The following AGAP1 variants were observed in gnomAD, a reference collection of about 807,000 sequenced individuals.
AGAP1 encodes arf-GAP with GTPase, ANK repeat and PH domain-containing protein 1.
In AGAP1, 29 loss-of-function variants were observed where a neutral mutation model predicts 105.3. The observed-to-expected ratio is 0.28, with a 90% confidence interval of 0.21 to 0.38. The LOEUF (loss-of-function observed/expected upper bound fraction) is 0.38, where lower values mean the gene tolerates loss of function less well. Ranked by LOEUF, AGAP1 falls within the 10% of genes least tolerant of loss-of-function variation. The probability of loss-of-function intolerance (pLI) is 1.00; values close to 1 mark genes in which losing one functional copy is unlikely to be tolerated. For missense variants in AGAP1, 998 were observed against 1,165.1 expected (o/e 0.86, Z 2.09); for synonymous variants, 509 against 485.9 (o/e 1.05, Z -0.63).
intron 1 of AGAP1, among the ~76,000 whole-genome samples, chr2:235,591,427 G>T (rs564132549): frequency 6.6e-6 from 1 of 152,328 alleles, no homozygotes; most frequent in East Asian, 1.9e-4. Context: ...GTGGCCCTGG[G>T]CAGAATGCAC....
In AGAP1 at chr2:235,967,142, A is replaced by C; in HGVS notation, c.1484-1320A>C. 6.6e-6 allele frequency among the ~76,000 whole-genome samples: 1 copy of C among 150,532 alleles called. No individual in the cohort carries two copies. Among genetic ancestry groups the C allele is most frequent in the East Asian group, 2.0e-4 (1 of 5,122 alleles). On this transcript the variant is annotated intron_variant, in intron 12 of 17. Coordinates refer to ENST00000304032, the MANE Select transcript of AGAP1 (RefSeq NM_001037131.3). This position sits in a 1 kb window ranked among gnomAD's most constrained non-coding sequence, Gnocchi z 4.7. ...CCTTCCGCAGGCCTCTCCCACCCAC[A>C]CCGGCCACCGCCACTCGGGCCCCCT... is the stretch of plus-strand genomic sequence containing the variant.
At position 235,979,081 on chromosome 2, in the gene AGAP1, T is replaced by G. The variant is rs1184615989; in HGVS notation, c.1645+10458T>G. 6.6e-6 allele frequency among the ~76,000 whole-genome samples: 1 copy of G among 151,294 alleles called. No homozygotes were observed. Among genetic ancestry groups the G allele is most frequent in the Non-Finnish European group, 1.5e-5 (1 of 68,016 alleles). The stretch of plus-strand genomic sequence containing the variant: ...TTTTCTGTTCATTTTAAGATTGATA[T>G]GCTTTTTCTTTTTTTGGATGACAGA... On this transcript the variant is annotated intron_variant, in intron 13 of 17. Coordinates refer to ENST00000304032, the MANE Select transcript of AGAP1 (RefSeq NM_001037131.3). This position sits in a 1 kb window ranked among gnomAD's most constrained non-coding sequence, Gnocchi z 4.5.
intron 16 of AGAP1, among the ~76,000 whole-genome samples, chr2:236,075,054 A>G (rs923611018): frequency 6.6e-6 from 1 of 152,156 alleles, no homozygotes; most frequent in South Asian, 2.1e-4. Context: ...CCTTCTCTCA[A>G]AAAGAAAAAA....
At position 235,919,133 on chromosome 2, in the gene AGAP1, G is replaced by A. The variant is rs1422983869; in HGVS notation, c.1324+10227G>A. 1.3e-5 allele frequency among the ~76,000 whole-genome samples: 2 copies of A among 152,124 alleles called. No individual in the cohort carries two copies. The highest frequency in any genetic ancestry group is 2.9e-5 in the Non-Finnish European group (2 of 68,028). On this transcript the variant is annotated intron_variant, in intron 11 of 17. Transcript: ENST00000304032. This position sits in a 1 kb window ranked among gnomAD's most constrained non-coding sequence, Gnocchi z 4.1. ...GGGTCAGCTGTGGGAAAGAGGAGGT[G>A]CCCGGAAGAGCCTCTGTGAATTACC...
intron 1 of AGAP1, among the ~76,000 whole-genome samples, chr2:235,649,717 G>C (rs957034915): frequency 2.0e-5 from 3 of 152,208 alleles, no homozygotes; most frequent in Non-Finnish European, 4.4e-5. Flanking sequence ...TGCTGATGCT[G>C]CTTGTCTGGG....
intron 6 of AGAP1, among the ~76,000 whole-genome samples, chr2:235,766,068 T>C (rs1009282078): frequency 6.6e-6 from 1 of 152,228 alleles, no homozygotes; most frequent in Non-Finnish European, 1.5e-5. Flanking sequence ...GTTCGATTCT[T>C]GTTTTATGAA....
intron 11 of AGAP1, among the ~76,000 whole-genome samples, chr2:235,912,479 G>A (rs761716053): frequency 3.0e-4 from 45 of 152,250 alleles, no homozygotes; most frequent in Non-Finnish European, 5.6e-4. Context: ...TGGGTGAACT[G>A]GAGGGTTTTC....
At chr2:236,006,318 T>G (rs1473441263) in intron 13 of AGAP1, among the ~76,000 whole-genome samples, 2 of 152,194 alleles carry the variant, frequency 1.3e-5, no homozygotes, top group Non-Finnish European at 2.9e-5. Context: ...ATCGGCTGTT[T>G]CCCAAAGAGC....
chr2:235,706,330 T>C (rs1950531883), intron 1 of AGAP1, among the ~76,000 whole-genome samples: 1 of 152,186 alleles, frequency 6.6e-6, no homozygotes, highest in African/African-American at 2.4e-5. Flanking sequence ...GTTGATGCCA[T>C]TCTCCTGCCT....
At position 235,904,426 on chromosome 2, in the gene AGAP1, G is replaced by A. The variant is rs545856154; in HGVS notation, c.1156-4312G>A. On this transcript the variant is annotated intron_variant, in intron 10 of 17. Transcript: ENST00000304032. The surrounding 1 kb of genome is among the most constrained non-coding windows in gnomAD (Gnocchi z 4.2). Reference sequence around the variant, plus strand: ...GCAATTACTACTTTTTCAAGCTGTTGAGGGGCAGGAGATGGCACCTCTGGG... The same window carrying A: ...GCAATTACTACTTTTTCAAGCTGTTAAGGGGCAGGAGATGGCACCTCTGGG... 2.6e-5 allele frequency among the ~76,000 whole-genome samples: 4 copies of A among 152,164 alleles called. No individual in the cohort carries two copies. The highest frequency in any genetic ancestry group is 6.5e-5 in the Admixed American group (1 of 15,284).
intron 6 of AGAP1, among the ~76,000 whole-genome samples, chr2:235,762,918 C>G (rs977247534): frequency 1.3e-5 from 2 of 151,964 alleles, no homozygotes; most frequent in Non-Finnish European, 2.9e-5. Flanking sequence ...TCAGTGAGTA[C>G]GTTGGATGTT....
At chr2:235,544,177 G>T (rs1305737825) in intron 1 of AGAP1, among the ~76,000 whole-genome samples, 1 of 152,204 alleles carries the variant, frequency 6.6e-6, no homozygotes, top group South Asian at 2.1e-4. Context: ...TCTTTATGAG[G>T]GGTGACAGAT....
intron 1 of AGAP1, among the ~76,000 whole-genome samples, chr2:235,560,081 A>G (rs1944097690): frequency 6.6e-6 from 1 of 151,452 alleles, no homozygotes; most frequent in South Asian, 2.1e-4. Context: ...ATGAGGATAT[A>G]CTCCTTGTGT....
Position 235,599,753 on chromosome 2 carries a change from T to C in AGAP1, c.163+104904T>C, listed in dbSNP as rs1292956960. 6.6e-6 allele frequency among the ~76,000 whole-genome samples: 1 copy of C among 152,180 alleles called. No homozygotes were observed. The highest frequency in any genetic ancestry group is 1.5e-5 in the Non-Finnish European group (1 of 68,028). On this transcript the variant is annotated intron_variant, in intron 1 of 17. Transcript: ENST00000304032. The surrounding 1 kb of genome is among the most constrained non-coding windows in gnomAD (Gnocchi z 5.3). ...TGATTCTACCTGATCGCTGGCTCTC[T>C]AGGGCTTTTCCCCTCCAGGTTCAGA...
At position 235,724,624 on chromosome 2, in the gene AGAP1, A is replaced by C. The variant is rs2149580527; in HGVS notation, c.310+6980A>C. ...TTCCCTATGTAAAGAAGAGTCCAAA[A>C]CAGATAAGGGAGACTGAAGAAACCT... On this transcript the variant is annotated intron_variant, in intron 3 of 17. Transcript: ENST00000304032. The surrounding 1 kb of genome is among the most constrained non-coding windows in gnomAD (Gnocchi z 4.9). Among the ~76,000 whole-genome samples, 1 of 152,210 alleles carries C rather than the reference A, an allele frequency of 6.6e-6. No individual in the cohort carries two copies. Among genetic ancestry groups the C allele is most frequent in the Middle Eastern group, 3.4e-3 (1 of 294 alleles).
At chr2:235,770,158 C>T (rs1210821152) in intron 6 of AGAP1, among the ~76,000 whole-genome samples, 3 of 120,444 alleles carry the variant, frequency 2.5e-5, no homozygotes, top group Middle Eastern at 4.0e-3. Flanking sequence ...GACGGAGTCT[C>T]ACTGTATCGC....
At chr2:235,776,994 G>C (rs1221864687) in intron 6 of AGAP1, 1 of 471,194 alleles carries the variant, frequency 2.1e-6, no homozygotes. Context: ...TGAGTTCCCA[G>C]CACGTTTTAT....
At chr2:236,047,779 G>T (rs4328585) in intron 15 of AGAP1, among the ~76,000 whole-genome samples, 23,498 of 150,638 alleles carry the variant, frequency 0.16, 2,579 homozygotes, top group African/African-American at 0.31. Flanking sequence ...TTTTTGTAAT[G>T]TTAGTAGAGA....
Position 235,877,176 on chromosome 2 carries a change from A to G in AGAP1, c.1051-6169A>G, listed in dbSNP as rs149855454. Among the ~76,000 whole-genome samples, 19 of 152,230 alleles carry G rather than the reference A, an allele frequency of 1.2e-4. No homozygotes were observed. In the East Asian group the frequency reaches 3.7e-3, roughly 29 times the overall value. ...ATTTAAAAGAACAAAAATCTCATGA[A>G]TCCTTCAACATTGATTTAACTGTTT... On this transcript the variant is annotated intron_variant, in intron 9 of 17. Transcript: ENST00000304032. The surrounding 1 kb of genome is among the most constrained non-coding windows in gnomAD (Gnocchi z 4.3).
Sources: allele counts gnomAD v4.1 joint callset (sites outside exome capture counted in the v4.1 genomes callset), GRCh38; gene constraint gnomAD v4.1.1; non-coding constraint Gnocchi (gnomAD v3.1); transcripts MANE v1.5; gene names NCBI Gene and HGNC (gene_info 2026-07-23, HGNC 2026-07-21).